Variants in ATP13A2 observed in about 807,000 individuals in gnomAD.
The protein encoded by ATP13A2 is polyamine-transporting ATPase 13A2.
Under a neutral mutation model 138.3 loss-of-function variants are expected in ATP13A2, and 83 were observed. That is an observed-to-expected ratio of 0.60 (90% CI 0.50 to 0.72). ATP13A2 has a LOEUF of 0.72. Ranked by LOEUF, ATP13A2 falls within the 30% of genes least tolerant of loss-of-function variation. The probability of loss-of-function intolerance (pLI) is 0.00; values close to 1 mark genes in which losing one functional copy is unlikely to be tolerated. For missense variants in ATP13A2, 1,402 were observed against 1,606.4 expected, an observed-to-expected ratio of 0.87 and a Z score of 2.17; for synonymous variants, 663 against 699.0, an observed-to-expected ratio of 0.95 and a Z score of 0.81.
At position 16,987,060 on chromosome 1, in the gene ATP13A2, G is replaced by A; in HGVS notation, c.3069C>T (p.Thr1023=). 8 of 1,613,452 alleles carry A rather than the reference G, an allele frequency of 5.0e-6. No individual in the cohort carries two copies. The highest frequency in any genetic ancestry group is 1.1e-5 in the South Asian group (1 of 91,076). ...TCCCTACTCACCATGGCTGGGCCAG[G>A]GTCAGGAAGTAGCCCCCTAGCTGCA... ...TGVQLGGYFL[T]LAQPWFVPLN... The change falls in exon 26 of 29, where the codon ACC becomes ACT. Residue 1023 remains threonine (T), a synonymous_variant. Coordinates refer to ENST00000326735, the MANE Select transcript of ATP13A2 (RefSeq NM_022089.4).
intron 16 of ATP13A2, among the ~76,000 whole-genome samples, chr1:16,993,235 A>G (rs1412985784): frequency 2.6e-5 from 4 of 151,876 alleles, no homozygotes; most frequent in South Asian, 2.1e-4. Flanking sequence ...TTATTTTTTG[A>G]GACAGGGTCT....
At chr1:17,006,306 A>C (rs2077559861) in intron 1 of ATP13A2, among the ~76,000 whole-genome samples, 1 of 146,134 alleles carries the variant, frequency 6.8e-6, no homozygotes, top group Non-Finnish European at 1.5e-5. Context: ...GCTGGAGTGC[A>C]GTCACTTGAT....
intron 12 of ATP13A2, 184 bp from the exon 13 acceptor site, chr1:16,996,680 C>T (rs1244264316): frequency 3.2e-6 from 2 of 632,888 alleles, no homozygotes; most frequent in Non-Finnish European, 5.6e-6. Context: ...GGGCTTTAAA[C>T]AAGGAACTAG....
At chr1:17,007,068 G>A (rs559200133) in intron 1 of ATP13A2, among the ~76,000 whole-genome samples, 4 of 152,152 alleles carry the variant, frequency 2.6e-5, no homozygotes, top group South Asian at 2.1e-4. Flanking sequence ...CAGTAGAGAC[G>A]GGGTTTCACC....
In ATP13A2 at chr1:17,011,918, G is replaced by T; in HGVS notation, c.-180C>A. Reference sequence around the variant, plus strand: ...CACCTGGGCCACCAGGCTCGGCGCGGCTCCGACACTGCCGCAGTCCCTCCG... The same window carrying T: ...CACCTGGGCCACCAGGCTCGGCGCGTCTCCGACACTGCCGCAGTCCCTCCG... On this transcript the variant is annotated 5_prime_UTR_variant, in exon 1 of 29. Coordinates refer to ENST00000326735, the MANE Select transcript of ATP13A2 (RefSeq NM_022089.4). The surrounding 1 kb of genome is among the most constrained non-coding windows in gnomAD (Gnocchi z 7.3). 2 of 408,548 alleles carry T rather than the reference G, an allele frequency of 4.9e-6. No homozygotes were observed. Among genetic ancestry groups the T allele is most frequent in the Non-Finnish European group, 6.7e-6 (2 of 299,144 alleles). The allele number at this position is 408,548 out of a possible 1,614,324, so 25.3% of individuals were successfully genotyped here.
At chr1:17,002,679 C>A (rs996407806) in intron 6 of ATP13A2, among the ~76,000 whole-genome samples, 1 of 152,124 alleles carries the variant, frequency 6.6e-6, no homozygotes, top group Non-Finnish European at 1.5e-5. Context: ...ATACCCTGGG[C>A]AAGTCACTTA....
In ATP13A2 at chr1:16,986,669, C is replaced by A. The variant is rs753107684; in HGVS notation, c.3236-37G>T. ...AGAGTCTCTCAGGCAGGAGCCACGCCCCCCCGGCACCCACAGACACACGTG... is the reference window on the plus strand; with the variant it reads ...AGAGTCTCTCAGGCAGGAGCCACGCACCCCCGGCACCCACAGACACACGTG... On this transcript the variant is annotated intron_variant, in intron 27 of 28. Transcript: ENST00000326735. The surrounding 1 kb of genome is among the most constrained non-coding windows in gnomAD (Gnocchi z 6.9). 12 of 1,579,268 alleles carry A rather than the reference C, an allele frequency of 7.6e-6. No individual in the cohort carries two copies. Among genetic ancestry groups the A allele is most frequent in the South Asian group, 3.4e-5 (3 of 88,464 alleles).
In ATP13A2 at chr1:16,989,688, C is replaced by G; in HGVS notation, c.2609+3G>C. 6.2e-7 allele frequency: 1 copy of G among 1,614,094 alleles called. No homozygotes were observed. Among genetic ancestry groups the G allele is most frequent in the Non-Finnish European group, 8.5e-7 (1 of 1,180,014 alleles). On this transcript the variant is annotated splice_donor_region_variant and intron_variant, in intron 23 of 28. Transcript: ENST00000326735. ...TTGCCCACACCCTCTGCCGAGCACT[C>G]ACTGAAGCTTCTGTAGCTCGCACAC...
chr1:16,987,747 G>C lies in ATP13A2; in HGVS notation c.2859+391C>G, dbSNP rs116769616. Among the ~76,000 whole-genome samples the C allele has an allele frequency of 9.4e-3, 1,437 of 152,278 alleles. 27 individuals are homozygous for C. Among genetic ancestry groups the C allele is most frequent in the African/African-American group, 0.033 (1,377 of 41,554 alleles). On this transcript the variant is annotated intron_variant, in intron 25 of 28. Transcript: ENST00000326735. ...GGGAGGGGAGAGCTCCTCCAAGTAG[G>C]GTGTGGGAGGTACAGCCAAGGTATG...
intron 20 of ATP13A2, among the ~76,000 whole-genome samples, chr1:16,990,865 A>G (rs1333600568): frequency 1.3e-5 from 2 of 151,888 alleles, no homozygotes; most frequent in Admixed American, 6.6e-5. Flanking sequence ...CCAAGTGCCC[A>G]TGAATGTGTG....
Position 17,005,499 on chromosome 1 carries a change from A to T in ATP13A2, c.163T>A (p.Trp55Arg). The T allele has an allele frequency of 6.2e-7, 1 of 1,614,266 alleles. No homozygotes were observed. The highest frequency in any genetic ancestry group is 8.5e-7 in the Non-Finnish European group (1 of 1,180,050). Residue 55 changes from tryptophan (W) to arginine (R), a missense_variant, in exon 3 of 29, where the codon TGG becomes AGG. Coordinates refer to ENST00000326735, the MANE Select transcript of ATP13A2 (RefSeq NM_022089.4). ...WRVIGYHVVV[W>R]MMAGIPLLLF... ...AGCAAAGGGATCCCAGCCATCATCC[A>T]GACCACGACGTGATAGCCGATGACC...
Position 16,987,182 on chromosome 1 carries a change from G to T in ATP13A2, c.2947C>A (p.Pro983Thr). 6.2e-7 allele frequency: 1 copy of T among 1,613,672 alleles called. No homozygotes were observed. The highest frequency in any genetic ancestry group is 2.2e-5 in the East Asian group (1 of 44,870). ...TVAVLMSRTG[P>T]ALVLGRVRPP... ...CGCACCCGTCCCAGGACCAGCGCTG[G>T]CCCCGTGCGGCTCATGAGCACTGCC... Residue 983 changes from proline (P) to threonine (T), a missense_variant, in exon 26 of 29, where the codon CCA becomes ACA. Pro to Thr is a conservative substitution (Grantham distance 38). Transcript: ENST00000326735.
intron 1 of ATP13A2, among the ~76,000 whole-genome samples, chr1:17,006,062 G>A (rs1570900302): frequency 1.3e-5 from 2 of 151,886 alleles, no homozygotes; most frequent in South Asian, 4.1e-4. Context: ...TTGAACCTGG[G>A]AGGTAGAGGT....
At chr1:17,000,772 T>C (rs2077325292) in intron 8 of ATP13A2, 2 of 540,060 alleles carry the variant, frequency 3.7e-6, no homozygotes, top group East Asian at 3.2e-5. Flanking sequence ...CGAAACCCCA[T>C]ATCTACAAAA....
intron 15 of ATP13A2, 71 bp from the exon 16 acceptor site, chr1:16,993,906 A>G (rs2077024792): frequency 2.2e-6 from 3 of 1,344,968 alleles, no homozygotes; most frequent in Admixed American, 2.7e-5. Flanking sequence ...TGGGCCTCCA[A>G]ACCCCAGGCC....
At chr1:16,991,158 C>T (rs532842036) in intron 20 of ATP13A2, among the ~76,000 whole-genome samples, 2 of 152,234 alleles carry the variant, frequency 1.3e-5, no homozygotes, top group South Asian at 4.1e-4. Context: ...ACTATGTTGG[C>T]CAGGTTGGTC....
intron 11 of ATP13A2, among the ~76,000 whole-genome samples, chr1:16,997,707 G>C (rs1384283630): frequency 6.6e-6 from 1 of 152,016 alleles, no homozygotes; most frequent in African/African-American, 2.4e-5. Flanking sequence ...CGGGTGTTGT[G>C]GTGGGCATCT....
At chr1:17,000,668 T>G in intron 8 of ATP13A2, 134 bp from the exon 9 acceptor site, 2 of 1,194,326 alleles carry the variant, frequency 1.7e-6, no homozygotes, top group African/African-American at 1.5e-5. Context: ...TTTCTCCTGG[T>G]CAATCCCATC....
At chr1:17,009,301 T>C (rs1369425368) in intron 1 of ATP13A2, among the ~76,000 whole-genome samples, 1 of 151,660 alleles carries the variant, frequency 6.6e-6, no homozygotes, top group East Asian at 1.9e-4. Flanking sequence ...ACCGACTGAC[T>C]GAATGAATGA....
Sources: allele counts gnomAD v4.1 joint callset (sites outside exome capture counted in the v4.1 genomes callset), GRCh38; gene constraint gnomAD v4.1.1; non-coding constraint Gnocchi (gnomAD v3.1); transcripts MANE v1.5; gene names NCBI Gene and HGNC (gene_info 2026-07-23, HGNC 2026-07-21).